CSMD3: variants seen among roughly 807,000 people sequenced by gnomAD.
The protein encoded by CSMD3 is CUB and sushi domain-containing protein 3.
CSMD3 carries 177 observed loss-of-function variants against 435.2 expected under a neutral mutation model. The ratio of observed to expected loss-of-function variants is 0.41; its 90% CI spans 0.36 to 0.46. The LOEUF is 0.46. Among genes scored for constraint, CSMD3 ranks in the 20% least tolerant of loss-of-function variants. The pLI is 0.34. For synonymous variants in CSMD3, 1,656 were observed against 1,520.5 expected (o/e 1.09, Z -2.07); for missense variants, 4,265 against 4,504.6 (o/e 0.95, Z 1.52).
intron 50 of CSMD3, chr8:112,310,140 T>A (rs567531111): frequency 6.6e-6 from 1 of 152,352 alleles, no homozygotes; most frequent in African/African-American, 2.4e-5. Context: ...TAGCTGATGT[T>A]GAGCTTGTCT....
At chr8:112,664,693 A>T (rs2075475602) in intron 17 of CSMD3, among the ~76,000 whole-genome samples, 1 of 152,132 alleles carries the variant, frequency 6.6e-6, no homozygotes, top group Admixed American at 6.6e-5. Context: ...AGGTAAAGTG[A>T]GATCATATAG....
chr8:113,368,563 A>G (rs894232117), intron 1 of CSMD3, among the ~76,000 whole-genome samples: 1 of 152,108 alleles, frequency 6.6e-6, no homozygotes, highest in Non-Finnish European at 1.5e-5. Flanking sequence ...TTCCTTATAT[A>G]TCACATTATC....
chr8:112,823,489 T>C (rs1292788232), intron 12 of CSMD3, among the ~76,000 whole-genome samples: 2 of 152,208 alleles, frequency 1.3e-5, no homozygotes, highest in African/African-American at 4.8e-5. Flanking sequence ...AACACTACTT[T>C]AGCTGTGTCC....
At position 112,383,611 on chromosome 8, in the gene CSMD3, T is replaced by G; in HGVS notation, c.5987A>C (p.Tyr1996Ser). ...TGGAGCATTGTTGTCTCCCCCATCA[T>G]AAAAGTCCAGAGAATCCCAATTATG... The part of the protein sequence containing the change: ...TEHNWDSLDF[Y>S]DGGDNNAPRL... The change falls in exon 37 of 71, where the codon TAT becomes TCT. Residue 1996 changes from tyrosine (Y) to serine (S), a missense_variant. Coordinates refer to ENST00000297405, the MANE Select transcript of CSMD3 (RefSeq NM_198123.2). The G allele has an allele frequency of 6.2e-7, 1 of 1,609,624 alleles. No individual in the cohort carries two copies. Among genetic ancestry groups the G allele is most frequent in the Non-Finnish European group, 8.5e-7 (1 of 1,176,022 alleles).
chr8:113,360,004 TAC>T (rs1213334116), intron 1 of CSMD3, among the ~76,000 whole-genome samples: 4 of 152,206 alleles, frequency 2.6e-5, no homozygotes, highest in Admixed American at 6.5e-5. Flanking sequence ...AGGTGATGTT[TAC>T]ACACACATTG....
At chr8:112,254,796 T>C (rs1815627194) in intron 62 of CSMD3, among the ~76,000 whole-genome samples, 1 of 152,210 alleles carries the variant, frequency 6.6e-6, no homozygotes, top group East Asian at 1.9e-4. Context: ...GGTAGGTAGA[T>C]GTGTCGGTTT....
rs147907645 is a variant in CSMD3 at position 113,376,381 on chromosome 8, CTGTT to C, written c.178+60292_178+60295del. Among the ~76,000 whole-genome samples the C allele has an allele frequency of 6.5e-3, 994 of 151,998 alleles. 8 individuals carry two copies. The highest frequency in any genetic ancestry group is 0.023 in the African/African-American group (942 of 41,472). On this transcript the variant is annotated intron_variant, in intron 1 of 70. Transcript: ENST00000297405. ...TTAAAAGTAAATACATGTTCAAGAA[CTGTT>C]TGTTTAGTAATTCATATTTTGATTC...
intron 10 of CSMD3, among the ~76,000 whole-genome samples, chr8:112,901,316 A>T (rs183091191): frequency 3.3e-5 from 5 of 151,162 alleles, no homozygotes; most frequent in Middle Eastern, 3.2e-3. Flanking sequence ...AAGATCTTAC[A>T]ATTTTGTCAG....
chr8:113,037,876 G>A (rs760018321), intron 5 of CSMD3, among the ~76,000 whole-genome samples: 3 of 152,132 alleles, frequency 2.0e-5, no homozygotes, highest in Non-Finnish European at 2.9e-5. Context: ...TAATTTTGAA[G>A]ATAATATAAT....
intron 27 of CSMD3, among the ~76,000 whole-genome samples, chr8:112,518,845 C>T (rs545532160): frequency 4.6e-5 from 7 of 151,968 alleles, no homozygotes; most frequent in African/African-American, 1.7e-4. Context: ...GGCTAGGAGG[C>T]CTCAGGAAAC....
At chr8:113,324,536 A>C (rs2093970530) in intron 1 of CSMD3, among the ~76,000 whole-genome samples, 1 of 151,972 alleles carries the variant, frequency 6.6e-6, no homozygotes. Context: ...GGGTTTGGGA[A>C]CCTCCACCTA....
rs751965833 is a variant in CSMD3 at position 112,916,092 on chromosome 8, AATG to A, written c.1633+5532_1633+5534del. ...AATGAGCAAGGTTATACTCCTAGAA[AATG>A]ATGAGTTGGAAAGAAAATGTTCTCT... On this transcript the variant is annotated intron_variant, in intron 10 of 70. Coordinates refer to ENST00000297405, the MANE Select transcript of CSMD3 (RefSeq NM_198123.2). 9.3e-4 allele frequency among the ~76,000 whole-genome samples: 141 copies of A among 151,966 alleles called. 1 individual carries two copies. The highest frequency in any genetic ancestry group is 2.1e-4 in the Non-Finnish European group (14 of 67,834).
chr8:113,029,201 CA>C (rs2086989064), intron 5 of CSMD3, among the ~76,000 whole-genome samples: 1 of 151,496 alleles, frequency 6.6e-6, no homozygotes, highest in African/African-American at 2.4e-5. Context: ...ACCAGACATT[CA>C]AAGAAGAATT....
intron 52 of CSMD3, among the ~76,000 whole-genome samples, chr8:112,304,489 A>G (rs909549717): frequency 1.3e-5 from 2 of 152,114 alleles, no homozygotes; most frequent in Non-Finnish European, 2.9e-5. Flanking sequence ...ATAGATCAAC[A>G]ATTCAAACAC....
chr8:113,109,187 A>G (rs996959777), intron 4 of CSMD3, among the ~76,000 whole-genome samples: 1 of 152,246 alleles, frequency 6.6e-6, no homozygotes, highest in Admixed American at 6.5e-5. Flanking sequence ...TAGAACGGTG[A>G]GGATAAAACA....
chr8:112,759,647 G>A (rs2077788615), intron 13 of CSMD3, among the ~76,000 whole-genome samples: 1 of 152,074 alleles, frequency 6.6e-6, no homozygotes, highest in Non-Finnish European at 1.5e-5. Flanking sequence ...TACCCATTCT[G>A]TATTTGATTA....
intron 3 of CSMD3, among the ~76,000 whole-genome samples, chr8:113,260,202 C>T (rs987386251): frequency 5.3e-5 from 8 of 152,122 alleles, no homozygotes; most frequent in African/African-American, 1.4e-4. Context: ...TGGACCAATA[C>T]AGGCAGGATT....
At chr8:112,979,663 G>A (rs2084976605) in intron 6 of CSMD3, among the ~76,000 whole-genome samples, 2 of 151,214 alleles carry the variant, frequency 1.3e-5, no homozygotes, top group South Asian at 4.2e-4. Flanking sequence ...TACACAATTA[G>A]GTAAGCATTG....
chr8:113,212,892 A>AAT lies in CSMD3; in HGVS notation c.515-38978_515-38977dup, dbSNP rs1396217685. On this transcript the variant is annotated intron_variant, in intron 3 of 70. Transcript: ENST00000297405. ...CCCTAGAACTTAAAGTATAATAAAA[A>AAT]ATATATATATATATTAAAAAAAAAA... Among the ~76,000 whole-genome samples the AAT allele has an allele frequency of 3.0e-4, 43 of 145,624 alleles. No homozygotes were observed. The East Asian group carries it at 6.4e-3, about 22-fold the overall frequency.
Sources: gnomAD v4.1 joint callset for allele counts (sites outside exome capture counted in the v4.1 genomes callset) on GRCh38, gnomAD v4.1.1 for gene constraint, MANE v1.5 for transcripts, NCBI Gene and HGNC (gene_info 2026-07-23, HGNC 2026-07-21) for gene names.